Variants in PRDM5 observed in about 807,000 individuals in gnomAD.
The protein encoded by PRDM5 is PR/SET domain 5.
A neutral mutation model predicts 81.2 loss-of-function variants in PRDM5; 56 were observed. The ratio of observed to expected loss-of-function variants is 0.69; its 90% CI spans 0.56 to 0.86. The LOEUF (loss-of-function observed/expected upper bound fraction) is 0.86, where lower values mean the gene tolerates loss of function less well. Ranked by LOEUF, PRDM5 falls within the 40% of genes least tolerant of loss-of-function variation. The pLI, the probability that PRDM5 is intolerant of heterozygous loss-of-function variation, is 0.00. For synonymous variants in PRDM5, 267 were observed against 256.4 expected (o/e 1.04, Z -0.39); for missense variants, 697 against 770.1 (o/e 0.91, Z 1.12).
chr4:120,765,963 CT>C (rs375991850), intron 13 of PRDM5, among the ~76,000 whole-genome samples: 42,168 of 137,936 alleles, frequency 0.31, 5,976 homozygotes, highest in Non-Finnish European at 0.33. Flanking sequence ...TTTTTTCTTT[CT>C]TTTTTTTTTT....
chr4:120,850,353 G>A (rs553554622), intron 3 of PRDM5, among the ~76,000 whole-genome samples: 1 of 152,266 alleles, frequency 6.6e-6, no homozygotes, highest in South Asian at 2.1e-4. Flanking sequence ...ATCTTTAGGA[G>A]ATCATTCCAA....
chr4:120,759,983 A>C (rs1337805932), intron 13 of PRDM5, among the ~76,000 whole-genome samples: 2 of 152,246 alleles, frequency 1.3e-5, no homozygotes, highest in East Asian at 1.9e-4. Context: ...TTCTTGCAAC[A>C]ATATTATAAT....
intron 3 of PRDM5, chr4:120,837,521 C>A (rs543120616): frequency 1.3e-5 from 2 of 152,294 alleles, no homozygotes; most frequent in South Asian, 4.1e-4. Flanking sequence ...TACAACATAA[C>A]ATTATTCCAA....
chr4:120,724,773 A>C (rs1329661795), intron 14 of PRDM5, among the ~76,000 whole-genome samples: 1 of 152,238 alleles, frequency 6.6e-6, no homozygotes, highest in Non-Finnish European at 1.5e-5. Context: ...CACAGCAGAA[A>C]GGTGCTATCA....
intron 14 of PRDM5, among the ~76,000 whole-genome samples, chr4:120,734,747 G>A (rs1740856370): frequency 6.6e-6 from 1 of 151,982 alleles, no homozygotes; most frequent in Admixed American, 6.6e-5. Flanking sequence ...CCACATAGAT[G>A]TCTCCAGTGT....
rs1189071639 is a variant in PRDM5, at chr4:120,799,535, C to G, written c.1030+126G>C. On this transcript the variant is annotated intron_variant, in intron 9 of 15. Coordinates refer to ENST00000264808, the MANE Select transcript of PRDM5 (RefSeq NM_018699.4). ...AAATAACTTGTTCAGAATCACATGA[C>G]TACTAAAGGTCCAAAGCAGAATTCA... is the stretch of plus-strand genomic sequence containing the variant. The G allele has an allele frequency of 2.1e-6, 3 of 1,407,530 alleles. No homozygotes were observed. The East Asian group carries it at 7.6e-5, about 35-fold the overall frequency. 87.2% of individuals were successfully genotyped at this position (1,407,530 alleles called of 1,614,324 possible).
chr4:120,884,211 G>A (rs995177573), intron 2 of PRDM5, among the ~76,000 whole-genome samples: 1 of 152,070 alleles, frequency 6.6e-6, no homozygotes, highest in South Asian at 2.1e-4. Context: ...ATCAGCAAGA[G>A]TGAATACACA....
chr4:120,741,434 C>T (rs373124965), intron 14 of PRDM5, among the ~76,000 whole-genome samples: 2 of 151,552 alleles, frequency 1.3e-5, no homozygotes, highest in African/African-American at 4.8e-5. Context: ...CCAAGATGGC[C>T]GAATAGGAAC....
chr4:120,914,362 A>G (rs1333899806), intron 1 of PRDM5, among the ~76,000 whole-genome samples: 1 of 152,198 alleles, frequency 6.6e-6, no homozygotes, highest in Non-Finnish European at 1.5e-5. Context: ...CAAAATCTCA[A>G]GTGAAAACCA....
In PRDM5 at chr4:120,754,543, A is replaced by T. The variant is rs758370752; in HGVS notation, c.1623+10T>A. 1.8e-5 allele frequency: 28 copies of T among 1,530,122 alleles called. No homozygotes were observed. In the Admixed American group the frequency reaches 4.7e-4, roughly 26 times the overall value. 94.8% of individuals were successfully genotyped at this position (1,530,122 alleles called of 1,614,324 possible). On this transcript the variant is annotated intron_variant, in intron 14 of 15. Transcript: ENST00000264808. ...ATGATCAATATTAATGAAACAGAAT[A>T]TAATCTTACCCTGGTGTGAGTACGA...
At chr4:120,781,342 G>C (rs755457383) in intron 11 of PRDM5, 39 bp from the exon 12 acceptor site, 2 of 1,586,340 alleles carry the variant, frequency 1.3e-6, no homozygotes, top group South Asian at 2.2e-5. Flanking sequence ...GCAATAGCAG[G>C]GTCCTATTAA....
intron 13 of PRDM5, among the ~76,000 whole-genome samples, chr4:120,762,084 A>C (rs910469558): frequency 2.6e-5 from 4 of 152,174 alleles, no homozygotes; most frequent in Admixed American, 2.6e-4. Context: ...CATTTTCAAT[A>C]AGCATTTTAA....
At chr4:120,741,840 G>A (rs374164759) in intron 14 of PRDM5, among the ~76,000 whole-genome samples, 7 of 152,154 alleles carry the variant, frequency 4.6e-5, no homozygotes, top group African/African-American at 1.2e-4. Flanking sequence ...AGGCAGCAGC[G>A]AGGCTGGGGG....
At chr4:120,796,752 T>C (rs1432822479) in intron 10 of PRDM5, among the ~76,000 whole-genome samples, 1 of 152,200 alleles carries the variant, frequency 6.6e-6, no homozygotes, top group Non-Finnish European at 1.5e-5. Flanking sequence ...CTTTTTGGAC[T>C]AAAGTTGAAA....
chr4:120,730,972 C>A (rs1740163544), intron 14 of PRDM5, among the ~76,000 whole-genome samples: 1 of 152,024 alleles, frequency 6.6e-6, no homozygotes, highest in Admixed American at 6.5e-5. Context: ...TGCCCAGGCC[C>A]TTAAAAAAAG....
intron 15 of PRDM5, among the ~76,000 whole-genome samples, chr4:120,696,018 A>C (rs76329710): frequency 0.11 from 16,288 of 152,122 alleles, 933 homozygotes; most frequent in Admixed American, 0.14. Flanking sequence ...CTGGAGTTTT[A>C]ATTGAGGTTA....
chr4:120,821,346 C>T lies in PRDM5; in HGVS notation c.301-1G>A, dbSNP rs1004489954. On this transcript the variant is annotated splice_acceptor_variant, in intron 3 of 15. Coordinates refer to ENST00000264808, the MANE Select transcript of PRDM5 (RefSeq NM_018699.4). LOFTEE classifies it high-confidence loss of function. Reference sequence around the variant, plus strand: ...CCAAATAGAAAATGTTTTCTCCTTCCTGAAACAAATTTTTTTAAATGCTGA... The same window carrying T: ...CCAAATAGAAAATGTTTTCTCCTTCTTGAAACAAATTTTTTTAAATGCTGA... The T allele has an allele frequency of 1.9e-6, 3 of 1,613,162 alleles. No individual in the cohort carries two copies. The highest frequency in any genetic ancestry group is 2.5e-6 in the Non-Finnish European group (3 of 1,179,440).
Position 120,754,552 on chromosome 4 carries a change from C to A in PRDM5, c.1623+1G>T. ...ATTAATGAAACAGAATATAATCTTA[C>A]CCTGGTGTGAGTACGAATGTGCATC... On this transcript the variant is annotated splice_donor_variant, in intron 14 of 15. Transcript: ENST00000264808. LOFTEE classifies it high-confidence loss of function. 6.5e-7 allele frequency: 1 copy of A among 1,548,982 alleles called. No individual in the cohort carries two copies. Among genetic ancestry groups the A allele is most frequent in the Non-Finnish European group, 8.9e-7 (1 of 1,121,066 alleles).
chr4:120,763,494 C>A (rs150531107), intron 13 of PRDM5, among the ~76,000 whole-genome samples: 20 of 152,184 alleles, frequency 1.3e-4, no homozygotes, highest in Non-Finnish European at 2.5e-4. Context: ...GGGGACTGTT[C>A]CACAAACAGC....
Sources: gnomAD v4.1 joint callset for allele counts (sites outside exome capture counted in the v4.1 genomes callset) on GRCh38, gnomAD v4.1.1 for gene constraint, MANE v1.5 for transcripts, NCBI Gene and HGNC (gene_info 2026-07-23, HGNC 2026-07-21) for gene names.